WDR87: variants seen among roughly 807,000 people sequenced by gnomAD.
The protein encoded by WDR87 is WD repeat-containing protein 87.
Under a neutral mutation model 83.3 loss-of-function variants are expected in WDR87, and 56 were observed. The ratio of observed to expected loss-of-function variants is 0.67; its 90% CI spans 0.54 to 0.84. The LOEUF is 0.84. Ranked by LOEUF, WDR87 falls within the 40% of genes least tolerant of loss-of-function variation. The probability of loss-of-function intolerance (pLI) is 0.00; values close to 1 mark genes in which losing one functional copy is unlikely to be tolerated. For missense variants in WDR87, 2,939 were observed against 3,431.9 expected, an observed-to-expected ratio of 0.86 and a Z score of 3.59; for synonymous variants, 1,173 against 1,250.6, an observed-to-expected ratio of 0.94 and a Z score of 1.31.
At chr19:37,895,713 G>A (rs1463151131) in intron 3 of WDR87, among the ~76,000 whole-genome samples, 1 of 147,976 alleles carries the variant, frequency 6.8e-6, no homozygotes, top group African/African-American at 2.5e-5. Context: ...GCTGCAGTGA[G>A]CCAAGATTGC....
At position 37,888,857 on chromosome 19, in the gene WDR87, C is replaced by T; in HGVS notation, c.4814G>A (p.Arg1605Lys). 6.4e-7 allele frequency: 1 copy of T among 1,551,886 alleles called. No homozygotes were observed. Among genetic ancestry groups the T allele is most frequent in the Non-Finnish European group, 8.7e-7 (1 of 1,147,062 alleles). The stretch of plus-strand genomic sequence containing the variant: ...CCATTTGTGTTCTTCTTGGATGTGT[C>T]TCTGCTCTTCTGTGACCTGCTGTTC... ...EKEQQVTEEQRHIQEEHKWAR... is the reference protein window; with the variant it reads ...EKEQQVTEEQKHIQEEHKWAR... The change falls in exon 6 of 6, where the codon AGA (arginine) becomes AAA (lysine). Residue 1605 changes from arginine (R) to lysine (K), a missense_variant. Coordinates refer to ENST00000447313, the MANE Select transcript of WDR87 (RefSeq NM_001291088.2).
At position 37,886,415 on chromosome 19, in the gene WDR87, G is replaced by A; in HGVS notation, c.7256C>T (p.Ala2419Val). The change falls in exon 6 of 6, where the codon GCT (alanine) becomes GTT (valine). Residue 2419 changes from alanine to valine, a missense_variant. Transcript: ENST00000447313. Reference protein sequence around the residue: ...LRGVPHGKGRAIRLGVLKSPL... With the variant: ...LRGVPHGKGRVIRLGVLKSPL... ...GCTTTTTAGAACTCCTAGTCTTATA[G>A]CCCTGCCTTTGCCATGAGGAACTCC... The A allele has an allele frequency of 6.5e-7, 1 of 1,537,550 alleles. No individual in the cohort carries two copies. Among genetic ancestry groups the A allele is most frequent in the South Asian group, 1.2e-5 (1 of 80,428 alleles).
In WDR87 at chr19:37,888,742, T is replaced by C. The variant is rs1277835752; in HGVS notation, c.4929A>G (p.Gln1643=). Residue 1643 remains glutamine (Q), a synonymous_variant, in exon 6 of 6, where the codon CAA becomes CAG. Coordinates refer to ENST00000447313, the MANE Select transcript of WDR87 (RefSeq NM_001291088.2). ...CTTCCTGGGCCAACTGTCTCTCTTC[T>C]TGTGCAAGTTTCTCTTCTTCTTGTG... ...KLAQEEEKLA[Q]EERQLAQEER... is the part of the protein sequence containing the mutation. 2 of 1,551,930 alleles carry C rather than the reference T, an allele frequency of 1.3e-6. No individual in the cohort carries two copies. Among genetic ancestry groups the C allele is most frequent in the East Asian group, 2.4e-5 (1 of 40,910 alleles).
chr19:37,885,986 G>A lies in WDR87; in HGVS notation c.7685C>T (p.Ser2562Leu). 1 of 1,552,034 alleles carries A rather than the reference G, an allele frequency of 6.4e-7. No individual in the cohort carries two copies. Among genetic ancestry groups the A allele is most frequent in the Non-Finnish European group, 8.7e-7 (1 of 1,147,068 alleles). ...GACATGGCGGATCCACTCTACATCT[G>A]AGAGGCTTACGTCTGCATGTTGTTC... is the stretch of plus-strand genomic sequence containing the variant. The part of the protein sequence containing the change: ...AKEQHADVSL[S>L]DVEWIRHVLE... Residue 2562 changes from serine (S) to leucine (L), a missense_variant, in exon 6 of 6, where the codon TCA (serine) becomes TTA (leucine). This residue lies in a region of WDR87 where 2,160 missense variants were observed against 2,533.1 expected (regional missense o/e 0.85). Coordinates refer to ENST00000447313, the MANE Select transcript of WDR87 (RefSeq NM_001291088.2).
At chr19:37,895,784 A>G (rs977646283) in intron 3 of WDR87, among the ~76,000 whole-genome samples, 1 of 151,328 alleles carries the variant, frequency 6.6e-6, no homozygotes, top group Non-Finnish European at 1.5e-5. Context: ...AAAAAAAAAA[A>G]AAAAGATGAA....
At position 37,889,309 on chromosome 19, in the gene WDR87, T is replaced by C; in HGVS notation, c.4362A>G (p.Lys1454=). ...KAVQKERKVG[K]IKREMTKEER... is the part of the protein sequence containing the mutation. ...CTTCTTTGGTCATTTCCCTCTTTAT[T>C]TTTCCTACTTTTCTTTCCTTCTGGA... is the stretch of plus-strand genomic sequence containing the variant. Residue 1454 remains lysine, a synonymous_variant, in exon 6 of 6, where the codon AAA becomes AAG. Transcript: ENST00000447313. 1 of 1,551,888 alleles carries C rather than the reference T, an allele frequency of 6.4e-7. No homozygotes were observed. Among genetic ancestry groups the C allele is most frequent in the Non-Finnish European group, 8.7e-7 (1 of 1,147,036 alleles).
Position 37,894,916 on chromosome 19 carries a change from C to G in WDR87, c.787G>C (p.Gly263Arg). 1 of 1,551,758 alleles carries G rather than the reference C, an allele frequency of 6.4e-7. No homozygotes were observed. The highest frequency in any genetic ancestry group is 8.7e-7 in the Non-Finnish European group (1 of 1,147,008). Residue 263 changes from glycine (G) to arginine (R), a missense_variant, in exon 4 of 6, where the codon GGG becomes CGG. Coordinates refer to ENST00000447313, the MANE Select transcript of WDR87 (RefSeq NM_001291088.2). ...QGFLYAGNQA[G>R]EIQVWSLQQG... is the part of the protein sequence containing the mutation. ...TGGAGGCTCCAAACTTGGATTTCCC[C>G]AGCTTGGTTTCCAGCATAGAGAAAG...
chr19:37,885,671 G>A lies in WDR87; in HGVS notation c.8000C>T (p.Thr2667Ile). The A allele has an allele frequency of 6.4e-7, 1 of 1,551,758 alleles. No homozygotes were observed. Among genetic ancestry groups the A allele is most frequent in the Admixed American group, 2.0e-5 (1 of 50,994 alleles). ...AVPTQKSPLATKRIPDPRAKN... is the reference protein window; with the variant it reads ...AVPTQKSPLAIKRIPDPRAKN... ...AGCCCTTGGGTCTGGAATCCTCTTGGTAGCTAATGGGGACTTTTGTGTGGG... is the reference window on the plus strand; with the variant it reads ...AGCCCTTGGGTCTGGAATCCTCTTGATAGCTAATGGGGACTTTTGTGTGGG... Residue 2667 changes from threonine (T) to isoleucine (I), a missense_variant, in exon 6 of 6, where the codon ACC becomes ATC. Around this residue, in one of 3 missense-constraint regions of WDR87, gnomAD observed 2,160 missense variants for 2,533.1 expected, o/e 0.85. Coordinates refer to ENST00000447313, the MANE Select transcript of WDR87 (RefSeq NM_001291088.2).
At chr19:37,903,108 C>T (rs902196653) in intron 1 of WDR87, among the ~76,000 whole-genome samples, 23 of 152,156 alleles carry the variant, frequency 1.5e-4, no homozygotes, top group African/African-American at 5.6e-4. Flanking sequence ...GTGATGAGTG[C>T]GCCACACTGT....
At chr19:37,903,566 C>G (rs184532378) in intron 1 of WDR87, among the ~76,000 whole-genome samples, 12 of 152,272 alleles carry the variant, frequency 7.9e-5, no homozygotes, top group African/African-American at 2.9e-4. Context: ...GGGCCTCACT[C>G]TCACCCAGGC....
rs1386988319 is a variant in WDR87, at chr19:37,888,601, T to C, written c.5070A>G (p.Leu1690=). 6 of 1,551,952 alleles carry C rather than the reference T, an allele frequency of 3.9e-6. No individual in the cohort carries two copies. The highest frequency in any genetic ancestry group is 3.6e-5 in the South Asian group (3 of 84,048). The change falls in exon 6 of 6, where the codon CTA becomes CTG. Residue 1690 remains leucine (L), a synonymous_variant. Coordinates refer to ENST00000447313, the MANE Select transcript of WDR87 (RefSeq NM_001291088.2). ...EETLAQRGEK[L]SQEAEKLAQK... is the part of the protein sequence containing the mutation. ...GGGCCAATTTCTCCGCCTCCTGGCT[T>C]AGCTTCTCCCCTCTTTGGGCCAGTG...
In WDR87 at chr19:37,889,552, T is replaced by C. The variant is rs2046184518; in HGVS notation, c.4119A>G (p.Gln1373=). 1.9e-6 allele frequency: 3 copies of C among 1,551,794 alleles called. No individual in the cohort carries two copies. ...TCACTTCCTTGTGTCTGATCACCTCTTGGGTCACACCTTGTATCATGTCCT... is the reference window on the plus strand; with the variant it reads ...TCACTTCCTTGTGTCTGATCACCTCCTGGGTCACACCTTGTATCATGTCCT... ...IREDMIQGVT[Q]EVIRHKEVMP... The change falls in exon 6 of 6, where the codon CAA becomes CAG. Residue 1373 remains glutamine, a synonymous_variant. Transcript: ENST00000447313.
Position 37,893,187 on chromosome 19 carries a change from G to GGCCAAAGAC in WDR87, c.2515_2516insGTCTTTGGC (p.Thr838_Pro839insArgLeuTrp), listed in dbSNP as rs1599764747. 1 of 1,551,914 alleles carries GGCCAAAGAC rather than the reference G, an allele frequency of 6.4e-7. No individual in the cohort carries two copies. Among genetic ancestry groups the GGCCAAAGAC allele is most frequent in the Non-Finnish European group, 8.7e-7 (1 of 1,147,054 alleles). The stretch of plus-strand genomic sequence containing the variant: ...ATGCAGGTTGCACTGTAGGTATATT[G>GGCCAAAGAC]GGGTGCCCTCTGGCCAAAGACGGGC... On this transcript the variant is annotated inframe_insertion, in exon 4 of 6. Transcript: ENST00000447313.
At position 37,893,306 on chromosome 19, in the gene WDR87, T is replaced by G; in HGVS notation, c.2397A>C (p.Gly799=). The G allele has an allele frequency of 6.4e-7, 1 of 1,551,612 alleles. No individual in the cohort carries two copies. The highest frequency in any genetic ancestry group is 8.7e-7 in the Non-Finnish European group (1 of 1,146,894). The change falls in exon 4 of 6, where the codon GGA becomes GGC. Residue 799 remains glycine (G), a synonymous_variant. Transcript: ENST00000447313. ...ATCGCAATATCTGATAGGGGTTGAG[T>G]CCATCCCAGCTAGTCAGTTGTAGCT... ...PPQLQLTSWD[G]LNPYQILRYY... is the part of the protein sequence containing the mutation.
intron 1 of WDR87, among the ~76,000 whole-genome samples, chr19:37,900,737 A>C (rs1389266415): frequency 3.3e-5 from 5 of 151,860 alleles, no homozygotes; most frequent in Non-Finnish European, 2.9e-5. Flanking sequence ...CACGCTCCCC[A>C]GACTGCATGC....
At position 37,894,671 on chromosome 19, in the gene WDR87, A is replaced by C. The variant is rs2046238395; in HGVS notation, c.1032T>G (p.His344Gln). The change falls in exon 4 of 6, where the codon CAT (histidine) becomes CAG (glutamine). Residue 344 changes from histidine (H) to glutamine (Q), a missense_variant. This residue lies in a region of WDR87 where 553 missense variants were observed against 577.9 expected (regional missense o/e 0.96). Coordinates refer to ENST00000447313, the MANE Select transcript of WDR87 (RefSeq NM_001291088.2). ...AGGGCAGGCGGTGCAAGGAAAAACT[A>C]TGGGCAGTTTGGCAGAAGAAAGTAA... ...DSITFFCQTA[H>Q]SFSLHRLPCF... is the part of the protein sequence containing the mutation. 1.3e-6 allele frequency: 2 copies of C among 1,551,740 alleles called. No individual in the cohort carries two copies. The highest frequency in any genetic ancestry group is 2.7e-5 in the African/African-American group (2 of 73,170).
chr19:37,894,845 C>G lies in WDR87; in HGVS notation c.858G>C (p.Val286=). 1 of 1,551,730 alleles carries G rather than the reference C, an allele frequency of 6.4e-7. No individual in the cohort carries two copies. Among genetic ancestry groups the G allele is most frequent in the Non-Finnish European group, 8.7e-7 (1 of 1,147,002 alleles). ...CCTCTGGTCGGCTGCGGATACAGAT[C>G]ACTCCTGATTGATGGGCCTGGAAAC... The part of the protein sequence containing the change: ...LHSFQAHQSG[V]ICIRSRPEAH... Residue 286 remains valine (V), a synonymous_variant, in exon 4 of 6, where the codon GTG becomes GTC. Coordinates refer to ENST00000447313, the MANE Select transcript of WDR87 (RefSeq NM_001291088.2).
chr19:37,900,560 C>CAA lies in WDR87; in HGVS notation c.-46-2277_-46-2276dup, dbSNP rs58946958. Among the ~76,000 whole-genome samples the CAA allele has an allele frequency of 9.2e-3, 717 of 78,040 alleles. 49 individuals carry two copies. Among genetic ancestry groups the CAA allele is most frequent in the African/African-American group, 0.033 (628 of 19,252 alleles). 51.2% of individuals were successfully genotyped at this position (78,040 alleles called of 152,430 possible). A position where few individuals can be genotyped will look rare whatever the true frequency, so the allele number is the denominator to read the frequency against. On this transcript the variant is annotated intron_variant, in intron 1 of 5. Coordinates refer to ENST00000447313, the MANE Select transcript of WDR87 (RefSeq NM_001291088.2). ...TCAGTGACAGAGCAAGACTCCGTCT[C>CAA]AAAAAAAAAAAAAAAAAAAGACCCA...
intron 1 of WDR87, among the ~76,000 whole-genome samples, chr19:37,900,560 C>CAAAAAAAAAAAAAAAAAA (rs58946958): frequency 5.1e-5 from 4 of 78,084 alleles, no homozygotes; most frequent in Non-Finnish European, 9.6e-5. Flanking sequence ...GACTCCGTCT[C>CAAAAAAAAAAAAAAAAAA]AAAAAAAAAA....
Sources: gnomAD v4.1 joint callset for allele counts (sites outside exome capture counted in the v4.1 genomes callset) on GRCh38, gnomAD v4.1.1 for gene constraint, gnomAD v4.1.1 regional missense constraint, MANE v1.5 for transcripts, NCBI Gene and HGNC (gene_info 2026-07-23, HGNC 2026-07-21) for gene names.